Variants in ALPL observed in about 807,000 individuals in gnomAD.
ALPL encodes alkaline phosphatase, tissue-nonspecific isozyme.
Under a neutral mutation model 51.3 loss-of-function variants are expected in ALPL, and 42 were observed. The ratio of observed to expected loss-of-function variants is 0.82; its 90% CI spans 0.64 to 1.06. The LOEUF is 1.06. Ranked by LOEUF, ALPL falls within the 50% of genes least tolerant of loss-of-function variation. ALPL has a pLI of 0.00. For synonymous variants in ALPL, 279 were observed against 296.4 expected (o/e 0.94, Z 0.60); for missense variants, 589 against 709.4 (o/e 0.83, Z 1.93).
At chr1:21,536,219 C>A (rs1644103505) in intron 1 of ALPL, among the ~76,000 whole-genome samples, 1 of 152,334 alleles carries the variant, frequency 6.6e-6, no homozygotes, top group East Asian at 1.9e-4. Context: ...TTTATAGATT[C>A]CAAGTAGAAA....
intron 1 of ALPL, among the ~76,000 whole-genome samples, chr1:21,512,737 C>A (rs547253298): frequency 1.3e-5 from 2 of 152,292 alleles, no homozygotes; most frequent in East Asian, 1.9e-4. Context: ...CCCAACCCCC[C>A]CGCCAACACT....
intron 3 of ALPL, 140 bp from the exon 4 acceptor site, chr1:21,560,957 C>A: frequency 1.0e-6 from 1 of 992,136 alleles, no homozygotes. Context: ...AGGGGCTGCT[C>A]ACTGACATTT....
intron 1 of ALPL, among the ~76,000 whole-genome samples, chr1:21,518,641 TA>T (rs1643845872): frequency 6.6e-6 from 1 of 152,140 alleles, no homozygotes. Flanking sequence ...GATTACCATT[TA>T]AACATTAATA....
chr1:21,564,144 GC>G lies in ALPL; in HGVS notation c.581del (p.Pro194LeufsTer4), dbSNP rs758124823. On this transcript the variant is annotated frameshift_variant, in exon 6 of 12. Coordinates refer to ENST00000374840, the MANE Select transcript of ALPL (RefSeq NM_000478.6). LOFTEE classifies it high-confidence loss of function. The surrounding 1 kb of genome is among the most constrained non-coding windows in gnomAD (Gnocchi z 5.8). ...GGGACTGGTACTCAGACAACGAGAT[GC>G]CCCCTGAGGCCTTGAGCCAGGGCTG... ...DRDWYSDNEM[P>X]PEALSQGCKD... The G allele has an allele frequency of 1.2e-6, 2 of 1,614,066 alleles. No individual in the cohort carries two copies. The highest frequency in any genetic ancestry group is 2.2e-5 in the South Asian group (2 of 91,084).
chr1:21,552,634 A>C (rs1257878683), intron 1 of ALPL, among the ~76,000 whole-genome samples: 2 of 152,102 alleles, frequency 1.3e-5, no homozygotes, highest in African/African-American at 4.8e-5. Flanking sequence ...CTGGTCTCCA[A>C]CTCCAGGCCT....
intron 1 of ALPL, among the ~76,000 whole-genome samples, chr1:21,543,575 GA>G (rs1445610482): frequency 6.6e-6 from 1 of 152,052 alleles, no homozygotes; most frequent in Non-Finnish European, 1.5e-5. Flanking sequence ...CGACAAGAGT[GA>G]AACTCCATCT....
At chr1:21,541,430 C>T (rs866253523) in intron 1 of ALPL, among the ~76,000 whole-genome samples, 3 of 152,336 alleles carry the variant, frequency 2.0e-5, no homozygotes, top group African/African-American at 7.2e-5. Context: ...GCTCCAGCAT[C>T]CATCTTCACT....
intron 1 of ALPL, among the ~76,000 whole-genome samples, chr1:21,526,392 G>A (rs547149489): frequency 1.4e-4 from 22 of 152,048 alleles, no homozygotes; most frequent in Non-Finnish European, 2.2e-4. Context: ...TGCCTGCCTC[G>A]GCCTCCCAAA....
Position 21,530,954 on chromosome 1 carries a change from A to ATTTTTTT in ALPL, c.-105+21452_-105+21458dup, listed in dbSNP as rs34079543. The stretch of plus-strand genomic sequence containing the variant: ...CACCACCACATCCAGATCATTTTTG[A>ATTTTTTT]TTTTTTTTTTTTTTTTTTTTTGGAG... On this transcript the variant is annotated intron_variant, in intron 1 of 11. Coordinates refer to ENST00000374840, the MANE Select transcript of ALPL (RefSeq NM_000478.6). Among the ~76,000 whole-genome samples the ATTTTTTT allele has an allele frequency of 9.8e-4, 102 of 103,974 alleles. 1 individual carries two copies. The highest frequency in any genetic ancestry group is 1.6e-3 in the Non-Finnish European group (88 of 53,350). The allele number at this position is 103,974 out of a possible 152,430, so 68.2% of individuals were successfully genotyped here.
chr1:21,574,844 C>T (rs1644704576), intron 9 of ALPL: 1 of 152,372 alleles, frequency 6.6e-6, no homozygotes, highest in African/African-American at 2.4e-5. Context: ...GGAGGACACG[C>T]CCTGCCAGCC....
chr1:21,516,168 C>T (rs1310960627), intron 1 of ALPL, among the ~76,000 whole-genome samples: 2 of 152,230 alleles, frequency 1.3e-5, no homozygotes, highest in South Asian at 2.1e-4. Flanking sequence ...GTGTGAGCCA[C>T]TGCATCTGGC....
chr1:21,517,175 AAAG>A (rs775057274), intron 1 of ALPL, among the ~76,000 whole-genome samples: 2 of 152,226 alleles, frequency 1.3e-5, no homozygotes, highest in African/African-American at 2.4e-5. Flanking sequence ...GCATCATCGT[AAAG>A]AAAAAAATCT....
chr1:21,514,764 T>C (rs146045334), intron 1 of ALPL, among the ~76,000 whole-genome samples: 50 of 152,314 alleles, frequency 3.3e-4, no homozygotes, highest in Non-Finnish European at 6.6e-4. Flanking sequence ...TTCAGAAATG[T>C]GCCCTGTGTG....
chr1:21,547,710 T>C (rs1014036649), intron 1 of ALPL, among the ~76,000 whole-genome samples: 4 of 152,220 alleles, frequency 2.6e-5, no homozygotes, highest in African/African-American at 7.2e-5. Context: ...AAATGGCGCA[T>C]AGTCGAAGAC....
intron 1 of ALPL, among the ~76,000 whole-genome samples, chr1:21,537,233 G>A (rs1402271673): frequency 3.3e-5 from 5 of 152,196 alleles, no homozygotes; most frequent in African/African-American, 1.2e-4. Context: ...ACTGGAGGCA[G>A]AATGGAGTTT....
intron 9 of ALPL, chr1:21,574,791 G>C (rs909514743): frequency 5.3e-5 from 8 of 152,286 alleles, no homozygotes; most frequent in Non-Finnish European, 7.3e-5. Flanking sequence ...AGCAAGGCCA[G>C]GATGGGCCGC....
intron 1 of ALPL, among the ~76,000 whole-genome samples, chr1:21,545,726 C>T (rs1644246306): frequency 6.6e-6 from 1 of 152,214 alleles, no homozygotes; most frequent in African/African-American, 2.4e-5. Context: ...TACTAAGTGG[C>T]TGCGCTGGTT....
At chr1:21,543,298 C>CT (rs1454471493) in intron 1 of ALPL, among the ~76,000 whole-genome samples, 2 of 152,102 alleles carry the variant, frequency 1.3e-5, no homozygotes, top group East Asian at 1.9e-4. Flanking sequence ...CCACTAAACC[C>CT]TTTTTTTCCC....
intron 2 of ALPL, among the ~76,000 whole-genome samples, chr1:21,559,897 GGA>G: frequency 6.6e-6 from 1 of 152,128 alleles, no homozygotes. Context: ...TGAGAAAGAG[GGA>G]GAGAGAAAGA....
Sources: gnomAD v4.1 joint callset for allele counts (sites outside exome capture counted in the v4.1 genomes callset) on GRCh38, gnomAD v4.1.1 for gene constraint, Gnocchi (gnomAD v3.1) non-coding constraint, MANE v1.5 for transcripts, NCBI Gene and HGNC (gene_info 2026-07-23, HGNC 2026-07-21) for gene names.